The following PXDNL variants were observed in gnomAD, a reference collection of about 807,000 sequenced individuals.
PXDNL encodes probable oxidoreductase PXDNL.
A neutral mutation model predicts 150.8 loss-of-function variants in PXDNL; 145 were observed. The ratio of observed to expected loss-of-function variants is 0.96; its 90% confidence interval spans 0.84 to 1.10. The LOEUF (loss-of-function observed/expected upper bound fraction) is 1.10. PXDNL is among the 50% of genes least tolerant of loss of function. PXDNL has a pLI of 0.00. For missense variants in PXDNL, 2,087 were observed against 1,873.9 expected (o/e 1.11, Z -2.10); for synonymous variants, 757 against 725.7 (o/e 1.04, Z -0.69).
chr8:51,624,930 T>A (rs1411574554), intron 2 of PXDNL, among the ~76,000 whole-genome samples: 1 of 152,032 alleles, frequency 6.6e-6, no homozygotes, highest in African/African-American at 2.4e-5. Flanking sequence ...TTACATAACG[T>A]AATTCTAAAT....
chr8:51,728,084 G>A (rs547914495), intron 1 of PXDNL, among the ~76,000 whole-genome samples: 1 of 152,284 alleles, frequency 6.6e-6, no homozygotes, highest in South Asian at 2.1e-4. Context: ...CATATGCACT[G>A]GTGGTCCCAT....
chr8:51,758,537 T>C (rs1225786852), intron 1 of PXDNL, among the ~76,000 whole-genome samples: 2 of 152,198 alleles, frequency 1.3e-5, no homozygotes, highest in East Asian at 3.9e-4. Context: ...ATAATCCCCA[T>C]GTGTCAAGGG....
At chr8:51,498,834 T>A (rs2392904) in intron 5 of PXDNL, among the ~76,000 whole-genome samples, 2,099 of 152,336 alleles carry the variant, frequency 0.014, 50 homozygotes, top group African/African-American at 0.047. Context: ...AAAATAGAAC[T>A]ATGCAAGTTT....
chr8:51,477,426 G>C (rs1810505127), intron 6 of PXDNL, among the ~76,000 whole-genome samples: 4 of 152,212 alleles, frequency 2.6e-5, no homozygotes. Flanking sequence ...TGAGGTGTAA[G>C]TCATAAAAGT....
At chr8:51,567,198 T>C (rs1057380558) in intron 3 of PXDNL, among the ~76,000 whole-genome samples, 1 of 151,836 alleles carries the variant, frequency 6.6e-6, no homozygotes. Context: ...GCATATAATA[T>C]GGTCCTTCTT....
intron 4 of PXDNL, among the ~76,000 whole-genome samples, chr8:51,524,729 T>C (rs765918232): frequency 3.3e-5 from 5 of 152,194 alleles, no homozygotes; most frequent in Non-Finnish European, 7.3e-5. Context: ...GTCAGGAAAA[T>C]GCATCTTTTA....
chr8:51,696,702 T>A (rs371737641), intron 1 of PXDNL, among the ~76,000 whole-genome samples: 20 of 42,178 alleles, frequency 4.7e-4, no homozygotes, highest in South Asian at 2.6e-3. Flanking sequence ...TCCACACACA[T>A]CCACACACAG....
intron 17 of PXDNL, among the ~76,000 whole-genome samples, chr8:51,394,922 G>T (rs1469526177): frequency 6.6e-6 from 1 of 151,438 alleles, no homozygotes; most frequent in Non-Finnish European, 1.5e-5. Flanking sequence ...GTGTAGATAG[G>T]GACTGTCCTA....
chr8:51,349,172 T>A (rs7460590), intron 19 of PXDNL, among the ~76,000 whole-genome samples: 1 of 34,900 alleles, frequency 2.9e-5, no homozygotes, highest in African/African-American at 4.1e-5. Context: ...GGTGTGTGTG[T>A]GGGGGTGTGT....
At chr8:51,644,708 C>T (rs558974900) in intron 2 of PXDNL, among the ~76,000 whole-genome samples, 3 of 151,648 alleles carry the variant, frequency 2.0e-5, no homozygotes, top group African/African-American at 4.8e-5. Context: ...CCACCCGCCT[C>T]GGCCTCCCAA....
At chr8:51,523,120 G>A (rs745956478) in intron 4 of PXDNL, among the ~76,000 whole-genome samples, 2 of 151,868 alleles carry the variant, frequency 1.3e-5, no homozygotes, top group Admixed American at 6.6e-5. Flanking sequence ...AGTATCCTGC[G>A]GTTTAAGAAA....
chr8:51,340,717 CAGT>C (rs1245788394), intron 20 of PXDNL, among the ~76,000 whole-genome samples: 1 of 152,166 alleles, frequency 6.6e-6, no homozygotes, highest in Non-Finnish European at 1.5e-5. Flanking sequence ...TTACCAACAG[CAGT>C]AGTTTAGTCA....
chr8:51,694,099 G>T (rs1199707192), intron 1 of PXDNL, among the ~76,000 whole-genome samples: 1 of 152,128 alleles, frequency 6.6e-6, no homozygotes, highest in East Asian at 1.9e-4. Flanking sequence ...GTATCCTGCG[G>T]AAAAATGCTT....
chr8:51,520,955 C>CTCA (rs1161448218), intron 4 of PXDNL, among the ~76,000 whole-genome samples: 1 of 152,198 alleles, frequency 6.6e-6, no homozygotes, highest in Non-Finnish European at 1.5e-5. Context: ...GGTGCCCTGG[C>CTCA]TCATGACTGT....
At chr8:51,568,366 G>A (rs1812867658) in intron 3 of PXDNL, among the ~76,000 whole-genome samples, 1 of 151,676 alleles carries the variant, frequency 6.6e-6, no homozygotes, top group Admixed American at 6.6e-5. Context: ...CAATTTGAAG[G>A]ATTTTTATCA....
chr8:51,675,354 G>A (rs1253740404), intron 1 of PXDNL, among the ~76,000 whole-genome samples: 1 of 152,084 alleles, frequency 6.6e-6, no homozygotes, highest in Non-Finnish European at 1.5e-5. Flanking sequence ...TGCAACCTGA[G>A]GATACAGCAT....
At chr8:51,431,464 A>G (rs1485023087) in intron 12 of PXDNL, among the ~76,000 whole-genome samples, 1 of 152,196 alleles carries the variant, frequency 6.6e-6, no homozygotes, top group African/African-American at 2.4e-5. Context: ...TGACTGTATG[A>G]AACTGCCTTT....
chr8:51,361,016 C>T (rs1441523218), intron 19 of PXDNL, among the ~76,000 whole-genome samples: 2 of 152,206 alleles, frequency 1.3e-5, no homozygotes, highest in Non-Finnish European at 2.9e-5. Context: ...TGAAGTAGAA[C>T]TTCCTCCGAT....
intron 1 of PXDNL, among the ~76,000 whole-genome samples, chr8:51,787,561 G>A (rs2037471786): frequency 6.6e-6 from 1 of 152,236 alleles, no homozygotes; most frequent in Non-Finnish European, 1.5e-5. Flanking sequence ...TTGAAGTGGA[G>A]CCTGTGATAT....
Sources: allele counts gnomAD v4.1 joint callset (sites outside exome capture counted in the v4.1 genomes callset), GRCh38; gene constraint gnomAD v4.1.1; transcripts MANE v1.5; gene names NCBI Gene and HGNC (gene_info 2026-07-23, HGNC 2026-07-21).